CAD: variants seen among roughly 807,000 people sequenced by gnomAD.
CAD encodes carbamoyl-phosphate synthetase 2, aspartate transcarbamylase, and dihydroorotase, also known as multifunctional protein CAD.
Under a neutral mutation model 237.2 loss-of-function variants are expected in CAD, and 81 were observed. The ratio of observed to expected loss-of-function variants is 0.34; its 90% CI spans 0.29 to 0.41. CAD has a LOEUF of 0.41. Among genes scored for constraint, CAD ranks in the 10% least tolerant of loss-of-function variants. The pLI is 1.00. For missense variants in CAD, 2,181 were observed against 2,951.7 expected (o/e 0.74, Z 6.05); for synonymous variants, 1,196 against 1,162.8 (o/e 1.03, Z -0.58).
intron 2 of CAD, among the ~76,000 whole-genome samples, chr2:27,218,692 G>A (rs1674999932): frequency 6.6e-6 from 1 of 152,054 alleles, no homozygotes; most frequent in East Asian, 1.9e-4. Context: ...TTCCTACAGT[G>A]AGGTTTCCCC....
chr2:27,218,583 A>G (rs1229819757), intron 2 of CAD, among the ~76,000 whole-genome samples: 1 of 152,200 alleles, frequency 6.6e-6, no homozygotes, highest in Non-Finnish European at 1.5e-5. Flanking sequence ...GTTTACCTAC[A>G]AAACCAGTGA....
chr2:27,226,739 G>T lies in CAD; in HGVS notation c.2156+90G>T, dbSNP rs752804741. 7.0e-4 allele frequency: 1,122 copies of T among 1,602,592 alleles called. 7 individuals carry two copies. The highest frequency in any genetic ancestry group is 1.6e-4 in the Non-Finnish European group (191 of 1,171,750). ...GACAGGGAATATGAAAAGGACATTG[G>T]CCTGGATTTGTGGGAATGGAAAGAG... On this transcript the variant is annotated intron_variant, in intron 14 of 43. Coordinates refer to ENST00000264705, the MANE Select transcript of CAD (RefSeq NM_004341.5).
Position 27,239,572 on chromosome 2 carries a change from A to G in CAD, c.5394+101A>G, listed in dbSNP as rs527871057. On this transcript the variant is annotated intron_variant, in intron 33 of 43. Transcript: ENST00000264705. This position sits in a 1 kb window ranked among gnomAD's most constrained non-coding sequence, Gnocchi z 4.0. ...TCTACACTGTCCCACTATGTGCACC[A>G]CTGCCCTGGACCAGGGGTTGGGGGC... is the stretch of plus-strand genomic sequence containing the variant. 5 of 1,515,816 alleles carry G rather than the reference A, an allele frequency of 3.3e-6. No individual in the cohort carries two copies. The highest frequency in any genetic ancestry group is 2.7e-5 in the African/African-American group (2 of 73,182). The allele number at this position is 1,515,816 out of a possible 1,614,324, so 93.9% of individuals were successfully genotyped here. A position where few individuals can be genotyped will look rare whatever the true frequency, so the allele number is the denominator to read the frequency against.
chr2:27,234,173 G>C lies in CAD; in HGVS notation c.3565G>C (p.Val1189Leu). ...GCGGATCAAAGCCATTGTGCATGCT[G>C]TGGGCCAGGAGCTACAGGTCACAGG... is the stretch of plus-strand genomic sequence containing the variant. ...LERIKAIVHAVGQELQVTGPF... is the reference protein window; with the variant it reads ...LERIKAIVHALGQELQVTGPF... The change falls in exon 22 of 44, where the codon GTG becomes CTG. Residue 1189 changes from valine to leucine, a missense_variant. Val to Leu is a conservative substitution (Grantham distance 32). Around this residue, in one of 12 missense-constraint regions of CAD, gnomAD observed 306 missense variants for 607.9 expected, o/e 0.50. Coordinates refer to ENST00000264705, the MANE Select transcript of CAD (RefSeq NM_004341.5). 6.2e-7 allele frequency: 1 copy of C among 1,614,242 alleles called. No individual in the cohort carries two copies. The highest frequency in any genetic ancestry group is 8.5e-7 in the Non-Finnish European group (1 of 1,180,044).
rs1675157756 is a variant in CAD, at chr2:27,221,410, G to A, written c.352+63G>A. On this transcript the variant is annotated intron_variant, in intron 3 of 43. Coordinates refer to ENST00000264705, the MANE Select transcript of CAD (RefSeq NM_004341.5). ...AGCATGCCTGGATGGAAAGAATCAA[G>A]GTTTCTGTAATCTGCTGGGACCTGA... The A allele has an allele frequency of 2.9e-6, 4 of 1,374,228 alleles. No individual in the cohort carries two copies. The African/African-American group carries it at 5.8e-5, about 20-fold the overall frequency. The allele number at this position is 1,374,228 out of a possible 1,614,324, so 85.1% of individuals were successfully genotyped here.
rs756313548 is a variant in CAD, at chr2:27,224,496, G to A, written c.1254+6G>A. 10 of 1,613,452 alleles carry A rather than the reference G, an allele frequency of 6.2e-6. No homozygotes were observed. In the Admixed American group the frequency reaches 1.2e-4, roughly 19 times the overall value. On this transcript the variant is annotated splice_donor_region_variant and intron_variant, in intron 9 of 43. Transcript: ENST00000264705. The stretch of plus-strand genomic sequence containing the variant: ...TTGACTACTCGGGCTCTCAGGTGAG[G>A]CATGTTCCTCCCCACCCTTCTGGGC...
chr2:27,238,026 C>T (rs546706149), intron 29 of CAD, 30 bp from the exon 30 acceptor site: 1 of 1,612,084 alleles, frequency 6.2e-7, no homozygotes, highest in African/African-American at 1.3e-5. Flanking sequence ...AGATTCTGCA[C>T]ACTCCTTCAT....
intron 6 of CAD, 115 bp from the exon 7 acceptor site, chr2:27,223,448 A>C (rs1003082836): frequency 1.0e-6 from 1 of 984,428 alleles, no homozygotes; most frequent in Non-Finnish European, 1.5e-6. Flanking sequence ...AAAAAAAAAC[A>C]AAAAGGAAAC....
At chr2:27,227,780 C>CT (rs1451424899) in intron 15 of CAD, among the ~76,000 whole-genome samples, 1 of 152,186 alleles carries the variant, frequency 6.6e-6, no homozygotes, top group Non-Finnish European at 1.5e-5. Flanking sequence ...TCTTTGGTAA[C>CT]TTTTTGTAAC....
intron 15 of CAD, among the ~76,000 whole-genome samples, chr2:27,231,098 C>T (rs779078152): frequency 5.3e-5 from 8 of 152,212 alleles, no homozygotes; most frequent in African/African-American, 1.7e-4. Context: ...CTCCACCTCC[C>T]GGGTTCACGC....
At position 27,242,077 on chromosome 2, in the gene CAD, A is replaced by G. The variant is rs1377538689; in HGVS notation, c.6050A>G (p.Tyr2017Cys). ...LADSVQTMSC[Y>C]ADVVVLRHPQ... ...GACTCCGTGCAGACCATGAGCTGCTATGCCGACGTCGTCGTGCTCCGGCAC... is the reference window on the plus strand; with the variant it reads ...GACTCCGTGCAGACCATGAGCTGCTGTGCCGACGTCGTCGTGCTCCGGCAC... Residue 2017 changes from tyrosine (Y) to cysteine (C), a missense_variant, in exon 39 of 44, where the codon TAT (tyrosine) becomes TGT (cysteine). Transcript: ENST00000264705. This position sits in a 1 kb window ranked among gnomAD's most constrained non-coding sequence, Gnocchi z 6.4. The G allele has an allele frequency of 6.2e-7, 1 of 1,613,276 alleles. No individual in the cohort carries two copies. Among genetic ancestry groups the G allele is most frequent in the Non-Finnish European group, 8.5e-7 (1 of 1,180,022 alleles).
rs1675881697 is a variant in CAD at position 27,233,877 on chromosome 2, G to T, written c.3399+69G>T. The T allele has an allele frequency of 6.3e-6, 10 of 1,581,624 alleles. No homozygotes were observed. In the East Asian group the frequency reaches 2.2e-4, roughly 35 times the overall value. On this transcript the variant is annotated intron_variant, in intron 21 of 43. Transcript: ENST00000264705. This position sits in a 1 kb window ranked among gnomAD's most constrained non-coding sequence, Gnocchi z 6.3. ...GCCCTGGAGGAGACTTCCTTCTCTG[G>T]TCCAGCAGAATCATAGGCACCAGGG...
At chr2:27,222,413 CAGG>C (rs1675217426) in intron 4 of CAD, 77 bp downstream of exon 4, 5 of 1,582,346 alleles carry the variant, frequency 3.2e-6, no homozygotes, top group Non-Finnish European at 4.3e-6. Flanking sequence ...GGGGTGAACA[CAGG>C]AGAGAATCAA....
In CAD at chr2:27,235,715, C is replaced by A; in HGVS notation, c.4074+75C>A. 2 of 1,272,588 alleles carry A rather than the reference C, an allele frequency of 1.6e-6. No homozygotes were observed. The highest frequency in any genetic ancestry group is 2.3e-6 in the Non-Finnish European group (2 of 882,298). 78.8% of individuals were successfully genotyped at this position (1,272,588 alleles called of 1,614,324 possible). The stretch of plus-strand genomic sequence containing the variant: ...TGAAAATACTGCACCAAAGAATTAT[C>A]TGGGCTGGGCACGGTGGCATATACC... On this transcript the variant is annotated intron_variant, in intron 25 of 43. Coordinates refer to ENST00000264705, the MANE Select transcript of CAD (RefSeq NM_004341.5). The surrounding 1 kb of genome is among the most constrained non-coding windows in gnomAD (Gnocchi z 5.2).
rs1484897854 is a variant in CAD, at chr2:27,239,873, T to C, written c.5496+75T>C. ...GGATGAACAGCTTGAACATTTTCAT[T>C]GGTGGTTCAGGAACAATTGGGGTTT... On this transcript the variant is annotated intron_variant, in intron 34 of 43. Coordinates refer to ENST00000264705, the MANE Select transcript of CAD (RefSeq NM_004341.5). The surrounding 1 kb of genome is among the most constrained non-coding windows in gnomAD (Gnocchi z 4.0). The C allele has an allele frequency of 7.4e-6, 8 of 1,083,002 alleles. No individual in the cohort carries two copies. Among genetic ancestry groups the C allele is most frequent in the Non-Finnish European group, 1.1e-5 (8 of 755,558 alleles). 67.1% of individuals were successfully genotyped at this position (1,083,002 alleles called of 1,614,324 possible).
chr2:27,236,920 C>A lies in CAD; in HGVS notation c.4396+90C>A, dbSNP rs542099871. On this transcript the variant is annotated intron_variant, in intron 27 of 43. Coordinates refer to ENST00000264705, the MANE Select transcript of CAD (RefSeq NM_004341.5). This position sits in a 1 kb window ranked among gnomAD's most constrained non-coding sequence, Gnocchi z 4.1. ...TGGTGAAGGATGGCTGGGGGGCCCA[C>A]TCTTTGTCCTGGACTGCACAGACTG... The A allele has an allele frequency of 5.3e-5, 55 of 1,046,952 alleles. No homozygotes were observed. In the African/African-American group the frequency reaches 7.5e-4, roughly 14 times the overall value. The allele number at this position is 1,046,952 out of a possible 1,614,324, so 64.9% of individuals were successfully genotyped here. A position where few individuals can be genotyped will look rare whatever the true frequency, so the allele number is the denominator to read the frequency against.
At chr2:27,229,910 A>G (rs1675646926) in intron 15 of CAD, among the ~76,000 whole-genome samples, 1 of 149,884 alleles carries the variant, frequency 6.7e-6, no homozygotes, top group South Asian at 2.1e-4. Context: ...AATGTCCTTC[A>G]GTTAGTAGTT....
intron 15 of CAD, among the ~76,000 whole-genome samples, chr2:27,229,192 A>G (rs928153720): frequency 1.3e-5 from 2 of 152,050 alleles, no homozygotes; most frequent in African/African-American, 4.8e-5. Flanking sequence ...TGCTGGGATT[A>G]CAGGCATGAG....
rs2148102469 is a variant in CAD at position 27,243,483 on chromosome 2, A to G, written c.6643A>G (p.Met2215Val). The G allele has an allele frequency of 6.2e-7, 1 of 1,600,522 alleles. No individual in the cohort carries two copies. Among genetic ancestry groups the G allele is most frequent in the South Asian group, 1.1e-5 (1 of 89,792 alleles). The change falls in exon 44 of 44, where the codon ATG (methionine) becomes GTG (valine). Residue 2215 changes from methionine (M) to valine (V), a missense_variant. Around this residue, in one of 12 missense-constraint regions of CAD, gnomAD observed 170 missense variants for 212.1 expected, o/e 0.80. Transcript: ENST00000264705. ...RQAENGMYIR[M>V]ALLATVLGRF The stretch of plus-strand genomic sequence containing the variant: ...GGCTGAGAACGGCATGTACATCCGC[A>G]TGGCTCTGTTAGCCACCGTGCTGGG...
Sources: gnomAD v4.1 joint callset for allele counts (sites outside exome capture counted in the v4.1 genomes callset) on GRCh38, gnomAD v4.1.1 for gene constraint, gnomAD v4.1.1 regional missense constraint, Gnocchi (gnomAD v3.1) non-coding constraint, MANE v1.5 for transcripts, NCBI Gene and HGNC (gene_info 2026-07-23, HGNC 2026-07-21) for gene names.